The following WDR72 variants were observed in gnomAD, a reference collection of about 807,000 sequenced individuals.
The protein encoded by WDR72 is WD repeat-containing protein 72.
A neutral mutation model predicts 124.2 loss-of-function variants in WDR72; 120 were observed. That is an observed-to-expected ratio of 0.97 (90% CI 0.83 to 1.12). WDR72 has a LOEUF of 1.12. Ranked by LOEUF, WDR72 falls within the 50% of genes most tolerant of loss-of-function variation. The probability of loss-of-function intolerance (pLI) is 0.00; values close to 1 mark genes in which losing one functional copy is unlikely to be tolerated. For synonymous variants in WDR72, 452 were observed against 441.7 expected (o/e 1.02, Z -0.29); for missense variants, 1,387 against 1,278.8 (o/e 1.08, Z -1.29).
chr15:53,759,352 G>C (rs958023121), intron 1 of WDR72: 3 of 152,252 alleles, frequency 2.0e-5, no homozygotes, highest in African/African-American at 7.2e-5. Context: ...ACTGCGAGAT[G>C]AGCGGCTTTG....
chr15:53,540,710 T>C (rs75533551), intron 18 of WDR72, among the ~76,000 whole-genome samples: 1 of 152,212 alleles, frequency 6.6e-6, no homozygotes, highest in Non-Finnish European at 1.5e-5. Flanking sequence ...GACGGGTGAT[T>C]TCTGCACTTC....
Position 53,523,229 on chromosome 15 carries a change from G to A in WDR72, c.3242C>T (p.Ser1081Phe). 1 of 1,612,896 alleles carries A rather than the reference G, an allele frequency of 6.2e-7. No individual in the cohort carries two copies. Among genetic ancestry groups the A allele is most frequent in the South Asian group, 1.1e-5 (1 of 91,060 alleles). Residue 1081 changes from serine to phenylalanine, a missense_variant, in exon 19 of 20, where the codon TCT becomes TTT. Coordinates refer to ENST00000360509, the MANE Select transcript of WDR72 (RefSeq NM_182758.4). ...TAAATGGCTTTCACCTGGACTCTCA[G>A]ACTCTTCCAAGGCACATCTGTCAGG... Reference protein sequence around the residue: ...DMPDRCALEESESPGEPRHHS... With the variant: ...DMPDRCALEEFESPGEPRHHS...
At chr15:53,537,607 T>C (rs780099668) in intron 18 of WDR72, among the ~76,000 whole-genome samples, 1 of 152,180 alleles carries the variant, frequency 6.6e-6, no homozygotes, top group Non-Finnish European at 1.5e-5. Flanking sequence ...GGCAAGAAAC[T>C]GTTGTTACAA....
At chr15:53,761,657 T>C (rs2019066079), upstream of WDR72, among the ~76,000 whole-genome samples, 1 of 151,912 alleles carries the variant, frequency 6.6e-6, no homozygotes, top group Non-Finnish European at 1.5e-5. Flanking sequence ...GAGACCCCCA[T>C]CTCCACAAAA....
intron 18 of WDR72, among the ~76,000 whole-genome samples, chr15:53,529,336 G>A (rs555569442): frequency 7.2e-5 from 11 of 151,812 alleles, no homozygotes; most frequent in East Asian, 1.9e-4. Flanking sequence ...TGGGCATGCC[G>A]TTTCACTTCC....
intron 14 of WDR72, among the ~76,000 whole-genome samples, chr15:53,621,920 T>G (rs1172131894): frequency 6.6e-6 from 1 of 151,908 alleles, no homozygotes; most frequent in East Asian, 1.9e-4. Context: ...CTTAAACAAA[T>G]TTACAAGAAA....
At chr15:53,593,149 T>C (rs144202201) in intron 18 of WDR72, among the ~76,000 whole-genome samples, 1,654 of 152,214 alleles carry the variant, frequency 0.011, 28 homozygotes, top group African/African-American at 0.037. Context: ...CACCTGGTGA[T>C]TTTCTTTATT....
chr15:53,527,983 T>C (rs1365975480), intron 18 of WDR72, among the ~76,000 whole-genome samples: 2 of 152,172 alleles, frequency 1.3e-5, no homozygotes, highest in East Asian at 1.9e-4. Flanking sequence ...TCTAGAAGTA[T>C]GGAAGTGAGA....
At chr15:53,715,521 C>T (rs1477180571) in intron 4 of WDR72, among the ~76,000 whole-genome samples, 154 bp from the exon 5 acceptor site, 1 of 152,174 alleles carries the variant, frequency 6.6e-6, no homozygotes, top group Non-Finnish European at 1.5e-5. Context: ...TTCAGTTATT[C>T]CAAACTCCTA....
intron 18 of WDR72, among the ~76,000 whole-genome samples, chr15:53,557,099 C>G (rs1893959577): frequency 6.6e-6 from 1 of 152,026 alleles, no homozygotes; most frequent in African/African-American, 2.4e-5. Flanking sequence ...TAAGAAACTT[C>G]ACTTTAAAGG....
chr15:53,690,012 A>G (rs2140500994), intron 13 of WDR72, among the ~76,000 whole-genome samples: 1 of 143,332 alleles, frequency 7.0e-6, no homozygotes, highest in South Asian at 2.3e-4. Flanking sequence ...TGGGAATTGA[A>G]CAATTAGATC....
chr15:53,660,805 G>A lies in WDR72; in HGVS notation c.1962+4767C>T, dbSNP rs754196265. ...GTTTTCCAAACACATATGAGTTCCC[G>A]GTTTCTGTCACAGGTTAGACTTGAT... On this transcript the variant is annotated intron_variant, in intron 14 of 19. Coordinates refer to ENST00000360509, the MANE Select transcript of WDR72 (RefSeq NM_182758.4). Among the ~76,000 whole-genome samples the A allele has an allele frequency of 3.9e-5, 6 of 152,082 alleles. No homozygotes were observed. In the South Asian group the frequency reaches 6.2e-4, roughly 16 times the overall value.
In WDR72 at chr15:53,648,755, TA is replaced by T. The variant is rs201925628; in HGVS notation, c.1962+16816del. Among the ~76,000 whole-genome samples, 24 of 150,520 alleles carry T rather than the reference TA, an allele frequency of 1.6e-4. No homozygotes were observed. In the East Asian group the frequency reaches 2.1e-3, roughly 13 times the overall value. On this transcript the variant is annotated intron_variant, in intron 14 of 19. Transcript: ENST00000360509. ...ATCAATACCCAGAGAGTATGCTCAC[TA>T]AAAAAAAAGTATATAAAATTTATGA...
intron 14 of WDR72, among the ~76,000 whole-genome samples, chr15:53,639,547 T>TATTTATTTATAAAATTATATATA (rs1218285237): frequency 7.6e-6 from 1 of 132,170 alleles, no homozygotes; most frequent in African/African-American, 2.5e-5. Flanking sequence ...TATATAATTT[T>TATTTATTTATAAAATTATATATA]ATTTATTTAT....
chr15:53,689,539 T>A (rs1281745787), intron 13 of WDR72, among the ~76,000 whole-genome samples: 1 of 148,352 alleles, frequency 6.7e-6, no homozygotes, highest in Non-Finnish European at 1.5e-5. Context: ...CCAGTTAGAA[T>A]GGCAATCATT....
chr15:53,759,056 C>T (rs7183817), intron 1 of WDR72, among the ~76,000 whole-genome samples: 47,240 of 151,788 alleles, frequency 0.31, 8,000 homozygotes, highest in South Asian at 0.46. Flanking sequence ...TCAGCCCAAG[C>T]GGCAGAGCAA....
Position 53,709,820 on chromosome 15 carries a change from T to C in WDR72, c.954+1037A>G, listed in dbSNP as rs138882633. 7.2e-5 allele frequency among the ~76,000 whole-genome samples: 11 copies of C among 152,306 alleles called. No homozygotes were observed. In the East Asian group the frequency reaches 1.9e-3, roughly 27 times the overall value. On this transcript the variant is annotated intron_variant, in intron 9 of 19. Coordinates refer to ENST00000360509, the MANE Select transcript of WDR72 (RefSeq NM_182758.4). ...TTTTCACAACAAAACCTCACAGATA[T>C]GTTAAAGGGACAATCACTGAACTAT...
Position 53,529,519 on chromosome 15 carries a change from T to C in WDR72, c.3149-6197A>G, listed in dbSNP as rs1892333704. 2.0e-5 allele frequency among the ~76,000 whole-genome samples: 3 copies of C among 151,972 alleles called. No individual in the cohort carries two copies. The South Asian group carries it at 6.2e-4, about 31-fold the overall frequency. On this transcript the variant is annotated intron_variant, in intron 18 of 19. Transcript: ENST00000360509. ...AGGGTAAATGGCCACTACACTAGTG[T>C]TGGAACTAATGAGGACTTCTGAGGC...
intron 18 of WDR72, among the ~76,000 whole-genome samples, chr15:53,593,650 T>A (rs1349305905): frequency 1.3e-5 from 2 of 151,636 alleles, no homozygotes; most frequent in Admixed American, 1.3e-4. Context: ...TAGTCCCAGA[T>A]ACTTAGGAGG....
Sources: gnomAD v4.1 joint callset for allele counts (sites outside exome capture counted in the v4.1 genomes callset) on GRCh38, gnomAD v4.1.1 for gene constraint, MANE v1.5 for transcripts, NCBI Gene and HGNC (gene_info 2026-07-23, HGNC 2026-07-21) for gene names.